Variants in LAMC1 observed in about 807,000 individuals in gnomAD.
The protein encoded by LAMC1 is laminin subunit gamma-1.
A neutral mutation model predicts 173.6 loss-of-function variants in LAMC1; 38 were observed. That is an observed-to-expected ratio of 0.22 (90% CI 0.17 to 0.29). The LOEUF (loss-of-function observed/expected upper bound fraction) is 0.29, where lower values mean the gene tolerates loss of function less well. Among genes scored for constraint, LAMC1 ranks in the 10% least tolerant of loss-of-function variants. The pLI is 1.00. For synonymous variants in LAMC1, 746 were observed against 749.1 expected (o/e 1.00, Z 0.07); for missense variants, 1,824 against 2,051.8 (o/e 0.89, Z 2.14).
chr1:183,124,692 T>A lies in LAMC1; in HGVS notation c.2463T>A (p.Pro821=), dbSNP rs1291496594. Residue 821 remains proline, a synonymous_variant, in exon 14 of 28, where the codon CCT becomes CCA. Transcript: ENST00000258341. ...YFGDPLGRNG[P]VRLCRLCQCS... Reference sequence around the variant, plus strand: ...GAGACCCCCTGGGTAGAAACGGCCCTGTGAGACTTTGCCGCCTGTGCCAGT... The same window carrying A: ...GAGACCCCCTGGGTAGAAACGGCCCAGTGAGACTTTGCCGCCTGTGCCAGT... 6.2e-7 allele frequency: 1 copy of A among 1,614,242 alleles called. No individual in the cohort carries two copies. Among genetic ancestry groups the A allele is most frequent in the Non-Finnish European group, 8.5e-7 (1 of 1,180,044 alleles).
intron 6 of LAMC1, among the ~76,000 whole-genome samples, 169 bp from the exon 7 acceptor site, chr1:183,116,408 C>T (rs1054436544): frequency 2.7e-5 from 4 of 150,752 alleles, no homozygotes; most frequent in African/African-American, 7.3e-5. Context: ...ACCCTGGAGG[C>T]GGAGGTTGCA....
At chr1:183,026,774 T>G (rs1653698535) in intron 1 of LAMC1, among the ~76,000 whole-genome samples, 1 of 152,220 alleles carries the variant, frequency 6.6e-6, no homozygotes, top group Non-Finnish European at 1.5e-5. Flanking sequence ...ACAGTAAACT[T>G]TAAAATAAGC....
At chr1:183,068,412 A>G (rs1654929833) in intron 1 of LAMC1, among the ~76,000 whole-genome samples, 1 of 152,234 alleles carries the variant, frequency 6.6e-6, no homozygotes, top group Non-Finnish European at 1.5e-5. Flanking sequence ...TTAGGTGAGC[A>G]TGAAGAAGAA....
chr1:183,140,604 T>A, intron 27 of LAMC1, 101 bp downstream of exon 27: 1 of 544,822 alleles, frequency 1.8e-6, no homozygotes. Flanking sequence ...GATATAGGTT[T>A]ACATGAATCC....
intron 1 of LAMC1, among the ~76,000 whole-genome samples, chr1:183,028,066 C>G (rs1319683815): frequency 6.6e-6 from 1 of 152,014 alleles, no homozygotes; most frequent in East Asian, 1.9e-4. Context: ...CAGTTCACTG[C>G]TTTTTCTCCA....
At chr1:183,026,930 C>T (rs1411103331) in intron 1 of LAMC1, among the ~76,000 whole-genome samples, 1 of 152,184 alleles carries the variant, frequency 6.6e-6, no homozygotes, top group Non-Finnish European at 1.5e-5. Context: ...CTGCTAAGCT[C>T]CATGCCCTAG....
In LAMC1 at chr1:183,122,268, C is replaced by T. The variant is rs375305469; in HGVS notation, c.2401+17C>T. On this transcript the variant is annotated intron_variant, in intron 13 of 27. Coordinates refer to ENST00000258341, the MANE Select transcript of LAMC1 (RefSeq NM_002293.4). Reference sequence around the variant, plus strand: ...GCACCACTGGTAAGTCTGCTCGCTTCATCTGCTTTCAGTGTTCCCTTCTAT... The same window carrying T: ...GCACCACTGGTAAGTCTGCTCGCTTTATCTGCTTTCAGTGTTCCCTTCTAT... The T allele has an allele frequency of 1.9e-5, 31 of 1,611,020 alleles. No homozygotes were observed. In the African/African-American group the frequency reaches 3.3e-4, roughly 17 times the overall value.
chr1:183,031,640 T>C (rs2102007414), intron 1 of LAMC1, among the ~76,000 whole-genome samples: 1 of 152,312 alleles, frequency 6.6e-6, no homozygotes, highest in East Asian at 1.9e-4. Context: ...TACTGGACTT[T>C]ATTGACAGCT....
intron 1 of LAMC1, among the ~76,000 whole-genome samples, chr1:183,024,652 G>A (rs759000784): frequency 1.3e-5 from 2 of 152,212 alleles, no homozygotes; most frequent in Non-Finnish European, 2.9e-5. Context: ...TATTGCCTAT[G>A]TGTAATTAAA....
At chr1:183,061,738 T>C (rs1654750567) in intron 1 of LAMC1, among the ~76,000 whole-genome samples, 2 of 152,218 alleles carry the variant, frequency 1.3e-5, no homozygotes. Context: ...TGTCTCTTAT[T>C]TTCATTTAAT....
intron 27 of LAMC1, among the ~76,000 whole-genome samples, chr1:183,141,719 G>C (rs999629869): frequency 1.3e-5 from 2 of 152,240 alleles, no homozygotes; most frequent in African/African-American, 4.8e-5. Context: ...TAAAATGAAA[G>C]TAAGCTAGAA....
chr1:183,035,258 A>G (rs941402006), intron 1 of LAMC1, among the ~76,000 whole-genome samples: 4 of 152,150 alleles, frequency 2.6e-5, no homozygotes, highest in African/African-American at 9.7e-5. Flanking sequence ...GCACGATCCT[A>G]TTTCATTGCA....
At chr1:183,129,809 T>A (rs1239722073) in intron 18 of LAMC1, among the ~76,000 whole-genome samples, 1 of 132,616 alleles carries the variant, frequency 7.5e-6, no homozygotes, top group Non-Finnish European at 1.7e-5. Flanking sequence ...CAGAGATCAG[T>A]TTGAAAGAAA....
chr1:183,121,258 A>T (rs74533431), intron 11 of LAMC1, among the ~76,000 whole-genome samples: 113 of 35,600 alleles, frequency 3.2e-3, no homozygotes, highest in African/African-American at 4.8e-3. Flanking sequence ...GTCTCTTCTA[A>T]AAAAAAAAAA....
At position 183,103,606 on chromosome 1, in the gene LAMC1, A is replaced by G. The variant is rs762040662; in HGVS notation, c.697A>G (p.Asn233Asp). Residue 233 changes from asparagine to aspartate, a missense_variant, in exon 2 of 28, where the codon AAC (asparagine) becomes GAC (aspartate). Transcript: ENST00000258341. The stretch of plus-strand genomic sequence containing the variant: ...CCTGGAAGGAAGGCCCAGCGCCTAT[A>G]ACTTTGACAATAGCCCTGTGCTGCA... ...STLEGRPSAY[N>D]FDNSPVLQEW... is the part of the protein sequence containing the mutation. The G allele has an allele frequency of 5.7e-6, 9 of 1,577,908 alleles. No homozygotes were observed. The highest frequency in any genetic ancestry group is 1.7e-6 in the Non-Finnish European group (2 of 1,163,452).
intron 26 of LAMC1, among the ~76,000 whole-genome samples, chr1:183,139,975 A>G (rs1419780504): frequency 6.6e-6 from 1 of 152,186 alleles, no homozygotes; most frequent in Admixed American, 6.5e-5. Flanking sequence ...GACATTTCTA[A>G]TAAGTCCCTA....
chr1:183,125,073 C>A, intron 14 of LAMC1, 197 bp downstream of exon 14: 1 of 656,106 alleles, frequency 1.5e-6, no homozygotes, highest in Non-Finnish European at 2.5e-6. Context: ...CACCTGTGGT[C>A]CTGTAAAAAG....
In LAMC1 at chr1:183,082,359, A is replaced by G. The variant is rs150501849; in HGVS notation, c.419-20969A>G. Among the ~76,000 whole-genome samples, 233 of 152,364 alleles carry G rather than the reference A, an allele frequency of 1.5e-3. 1 individual carries two copies. Among genetic ancestry groups the G allele is most frequent in the Non-Finnish European group, 2.7e-3 (181 of 68,036 alleles). ...TTCCAAAGTAGCTGTACCATTTTGCATTCCCACAAGCAATGAATGAGAGTA... is the reference window on the plus strand; with the variant it reads ...TTCCAAAGTAGCTGTACCATTTTGCGTTCCCACAAGCAATGAATGAGAGTA... On this transcript the variant is annotated intron_variant, in intron 1 of 27. Transcript: ENST00000258341.
chr1:183,108,234 C>T (rs748556083), intron 2 of LAMC1, 42 bp from the exon 3 acceptor site: 8 of 1,588,258 alleles, frequency 5.0e-6, no homozygotes, highest in Non-Finnish European at 6.9e-6. Flanking sequence ...ATTTTCAGTC[C>T]CTCCACTTCT....
Sources: allele counts gnomAD v4.1 joint callset (sites outside exome capture counted in the v4.1 genomes callset), GRCh38; gene constraint gnomAD v4.1.1; transcripts MANE v1.5; gene names NCBI Gene and HGNC (gene_info 2026-07-23, HGNC 2026-07-21).